PHF24: variants seen among roughly 807,000 people sequenced by gnomAD.
PHF24 encodes the protein PHD finger protein 24, also known as Galpha inhibitory interacting protein.
PHF24 carries 25 observed loss-of-function variants against 42.6 expected under a neutral mutation model. That is an observed-to-expected ratio of 0.59 (90% CI 0.43 to 0.82). The LOEUF (loss-of-function observed/expected upper bound fraction) is 0.82. Among genes scored for constraint, PHF24 ranks in the 40% least tolerant of loss-of-function variants. PHF24 has a pLI of 0.00. For missense variants in PHF24, 470 were observed against 538.1 expected, an observed-to-expected ratio of 0.87 and a Z score of 1.25; for synonymous variants, 185 against 204.8, an observed-to-expected ratio of 0.90 and a Z score of 0.83.
chr9:34,745,722 C>T, the PHF24 span, among the ~76,000 whole-genome samples: 5 of 150,624 alleles, frequency 3.3e-5, no homozygotes, highest in South Asian at 1.1e-3. Flanking sequence ...ACCCCCCTAA[C>T]AAATAATGAA....
At chr9:34,740,448 C>T in the PHF24 span, among the ~76,000 whole-genome samples, 1 of 152,234 alleles carries the variant, frequency 6.6e-6, no homozygotes, top group Non-Finnish European at 1.5e-5. Context: ...TGCTGGGGGA[C>T]CCAGTACACC....
At chr9:34,832,621 C>G in the PHF24 span, 1 of 1,542,932 alleles carries the variant, frequency 6.5e-7, no homozygotes, top group Non-Finnish European at 8.8e-7. Flanking sequence ...TGCCCTTTGC[C>G]TTTTGTCTTG....
In PHF24 at chr9:34,963,154, T is replaced by C. The variant is rs952898041; in HGVS notation, c.-5+4753T>C. Reference sequence around the variant, plus strand: ...GGAACAGGCTCCAAGAGCACTGTAGTGAGGCACTGGAATTTCCTAAAGCAA... The same window carrying C: ...GGAACAGGCTCCAAGAGCACTGTAGCGAGGCACTGGAATTTCCTAAAGCAA... On this transcript the variant is annotated intron_variant, in intron 1 of 7. Coordinates refer to ENST00000242315, the Ensembl canonical transcript of PHF24. Among the ~76,000 whole-genome samples the C allele has an allele frequency of 2.6e-5, 4 of 152,016 alleles. No homozygotes were observed. In the South Asian group the frequency reaches 8.3e-4, roughly 32 times the overall value.
At chr9:34,672,080 A>C in the PHF24 span, among the ~76,000 whole-genome samples, 1 of 152,220 alleles carries the variant, frequency 6.6e-6, no homozygotes, top group African/African-American at 2.4e-5. Context: ...TCATTGTCTC[A>C]TGACAAATCT....
chr9:34,908,933 CA>C, the PHF24 span, among the ~76,000 whole-genome samples: 2 of 151,422 alleles, frequency 1.3e-5, no homozygotes, highest in Non-Finnish European at 1.5e-5. Context: ...CTCCAACCTC[CA>C]CCTCCCAGGT....
chr9:34,759,643 G>C, the PHF24 span, among the ~76,000 whole-genome samples: 1 of 152,086 alleles, frequency 6.6e-6, no homozygotes, highest in East Asian at 1.9e-4. Flanking sequence ...CCCTCTATGT[G>C]GCTGTAACAG....
chr9:34,694,897 C>T, the PHF24 span, among the ~76,000 whole-genome samples: 1 of 152,166 alleles, frequency 6.6e-6, no homozygotes, highest in Non-Finnish European at 1.5e-5. Flanking sequence ...TAAAATCTTT[C>T]CAGTTAAATT....
Position 34,958,610 on chromosome 9 carries a change from C to T in PHF24, c.-5+209C>T, listed in dbSNP as rs1826477469. On this transcript the variant is annotated intron_variant, in intron 1 of 7. Coordinates refer to ENST00000242315, the Ensembl canonical transcript of PHF24. This position sits in a 1 kb window ranked among gnomAD's most constrained non-coding sequence, Gnocchi z 4.5. Reference sequence around the variant, plus strand: ...TGTGGGGAGCCGCCCCCATAAAGACCCCCTGTGGGAATGGACTCCCGCGGC... The same window carrying T: ...TGTGGGGAGCCGCCCCCATAAAGACTCCCTGTGGGAATGGACTCCCGCGGC... Among the ~76,000 whole-genome samples, 1 of 152,092 alleles carries T rather than the reference C, an allele frequency of 6.6e-6. No individual in the cohort carries two copies. The highest frequency in any genetic ancestry group is 2.1e-4 in the South Asian group (1 of 4,832).
chr9:34,976,597 C>G lies in PHF24; in HGVS notation c.706C>G (p.Arg236Gly), dbSNP rs776629054. 5 of 1,614,156 alleles carry G rather than the reference C, an allele frequency of 3.1e-6. No individual in the cohort carries two copies. In the South Asian group the frequency reaches 5.5e-5, roughly 18 times the overall value. Reference sequence around the variant, plus strand: ...CCACCAAGCAGCCAAGCGGGGGGACCGTGACAGGGCCCTGAGTGAGGAGCA... The same window carrying G: ...CCACCAAGCAGCCAAGCGGGGGGACGGTGACAGGGCCCTGAGTGAGGAGCA... The change falls in exon 5 of 8, where the codon CGT becomes GGT. Residue 236 changes from arginine (R) to glycine (G), a missense_variant. Physicochemically the swap from Arg to Gly is moderately radical, Grantham distance 125. Transcript: ENST00000242315.
Position 34,970,568 on chromosome 9 carries a change from T to G in PHF24, c.-4-727T>G, listed in dbSNP as rs187904018. On this transcript the variant is annotated intron_variant, in intron 1 of 7. Coordinates refer to ENST00000242315, the Ensembl canonical transcript of PHF24. ...CTCTAAAACTAGGAGTTCATTGACT[T>G]AAAAAGTAGGCATTTGATGAGGATT... is the stretch of plus-strand genomic sequence containing the variant. Among the ~76,000 whole-genome samples the G allele has an allele frequency of 1.1e-3, 163 of 152,306 alleles. 1 individual carries two copies. The highest frequency in any genetic ancestry group is 2.3e-3 in the South Asian group (11 of 4,822).
chr9:34,784,717 G>C, the PHF24 span, among the ~76,000 whole-genome samples: 1 of 152,146 alleles, frequency 6.6e-6, no homozygotes, highest in Non-Finnish European at 1.5e-5. Context: ...CATGAATGCT[G>C]CCCAACTTTT....
At chr9:34,805,534 C>T in the PHF24 span, among the ~76,000 whole-genome samples, 31 of 152,222 alleles carry the variant, frequency 2.0e-4, no homozygotes, top group Admixed American at 1.5e-3. Context: ...TCAGATCCTT[C>T]GTGCACTTTA....
chr9:34,735,378 G>A, the PHF24 span, among the ~76,000 whole-genome samples: 14 of 150,886 alleles, frequency 9.3e-5, no homozygotes, highest in South Asian at 2.7e-3. Flanking sequence ...TTTGTGATTC[G>A]CCCACCTCGG....
the PHF24 span, chr9:34,889,657 G>T: frequency 2.5e-6 from 1 of 398,536 alleles, no homozygotes; most frequent in South Asian, 1.3e-4. Flanking sequence ...ATGCTCTTGT[G>T]AGTATGGACT....
chr9:34,868,025 G>T, the PHF24 span, among the ~76,000 whole-genome samples: 1 of 152,136 alleles, frequency 6.6e-6, no homozygotes, highest in Admixed American at 6.5e-5. Context: ...TCTAATCATT[G>T]TGGTTGCGGA....
the PHF24 span, among the ~76,000 whole-genome samples, chr9:34,947,980 G>C: frequency 6.6e-6 from 1 of 151,846 alleles, no homozygotes; most frequent in South Asian, 2.1e-4. Context: ...ATGGTGGCAG[G>C]TGCCTGTAGT....
chr9:34,840,079 A>G, the PHF24 span, among the ~76,000 whole-genome samples: 4 of 152,186 alleles, frequency 2.6e-5, no homozygotes, highest in African/African-American at 9.7e-5. Flanking sequence ...TTGGAGAGCA[A>G]TTGTGGGAAA....
At chr9:34,912,065 G>C in the PHF24 span, among the ~76,000 whole-genome samples, 1 of 152,116 alleles carries the variant, frequency 6.6e-6, no homozygotes, top group Non-Finnish European at 1.5e-5. Context: ...GAGAATCCTT[G>C]GTTTTATTTT....
chr9:34,857,550 G>T, the PHF24 span, among the ~76,000 whole-genome samples: 1 of 152,162 alleles, frequency 6.6e-6, no homozygotes, highest in Non-Finnish European at 1.5e-5. Flanking sequence ...GAGGGTGTGG[G>T]TTCTGCTGGA....
Sources: gnomAD v4.1 joint callset for allele counts (sites outside exome capture counted in the v4.1 genomes callset) on GRCh38, gnomAD v4.1.1 for gene constraint, Gnocchi (gnomAD v3.1) non-coding constraint, MANE v1.5 for transcripts, NCBI Gene and HGNC (gene_info 2026-07-23, HGNC 2026-07-21) for gene names.